THSD7A: variants seen among roughly 807,000 people sequenced by gnomAD.
THSD7A encodes the protein thrombospondin type 1 domain containing 7A.
Under a neutral mutation model 231.3 loss-of-function variants are expected in THSD7A, and 96 were observed. That is an observed-to-expected ratio of 0.41 (90% CI 0.35 to 0.49). The LOEUF (loss-of-function observed/expected upper bound fraction) is 0.49. THSD7A is among the 20% of genes least tolerant of loss of function. The pLI is 0.05. For missense variants in THSD7A, 2,290 were observed against 2,070.2 expected, an observed-to-expected ratio of 1.11 and a Z score of -2.06; for synonymous variants, 940 against 743.3, an observed-to-expected ratio of 1.26 and a Z score of -4.30.
intron 6 of THSD7A, among the ~76,000 whole-genome samples, chr7:11,486,757 A>G (rs1414815810): frequency 6.6e-6 from 1 of 152,210 alleles, no homozygotes. Flanking sequence ...ATGGTTTCAA[A>G]GGATTGCTTT....
In THSD7A at chr7:11,567,674, C is replaced by G. The variant is rs922772827; in HGVS notation, c.1453+22786G>C. Among the ~76,000 whole-genome samples, 3 of 152,148 alleles carry G rather than the reference C, an allele frequency of 2.0e-5. No individual in the cohort carries two copies. In the East Asian group the frequency reaches 5.8e-4, roughly 29 times the overall value. On this transcript the variant is annotated intron_variant, in intron 4 of 27. Transcript: ENST00000423059. ...TAACTGTTTTCAGGTAAGGCCTGAG[C>G]TGCAGGATATTTAAGAGCTCCTTGG...
At position 11,373,553 on chromosome 7, in the gene THSD7A, C is replaced by T. The variant is rs982058819; in HGVS notation, c.*2241G>A. On this transcript the variant is annotated 3_prime_UTR_variant, in exon 28 of 28. Transcript: ENST00000423059. ...TGCTTTAAAGTAAAATTTTCATCTTCCTGACTACCTGTTCTCTTTGAAATG... is the reference window on the plus strand; with the variant it reads ...TGCTTTAAAGTAAAATTTTCATCTTTCTGACTACCTGTTCTCTTTGAAATG... 2.0e-5 allele frequency: 3 copies of T among 151,882 alleles called. No homozygotes were observed. Among genetic ancestry groups the T allele is most frequent in the African/African-American group, 7.2e-5 (3 of 41,398 alleles). 9.4% of individuals were successfully genotyped at this position (151,882 alleles called of 1,614,324 possible). A position where few individuals can be genotyped will look rare whatever the true frequency, so the allele number is the denominator to read the frequency against.
intron 11 of THSD7A, among the ~76,000 whole-genome samples, chr7:11,456,214 G>C (rs1425616846): frequency 6.6e-6 from 1 of 151,964 alleles, no homozygotes; most frequent in Non-Finnish European, 1.5e-5. Context: ...TCCAGCTTTT[G>C]AGTATAATTT....
intron 6 of THSD7A, among the ~76,000 whole-genome samples, chr7:11,535,351 C>T (rs913178390): frequency 6.6e-6 from 1 of 151,992 alleles, no homozygotes; most frequent in Non-Finnish European, 1.5e-5. Context: ...AGATAGCAGA[C>T]AAATCAGAGT....
At chr7:11,403,423 C>G (rs1267364619) in intron 22 of THSD7A, among the ~76,000 whole-genome samples, 1 of 151,914 alleles carries the variant, frequency 6.6e-6, no homozygotes, top group Admixed American at 6.6e-5. Context: ...TTTGGAAATG[C>G]AAAGGAAAAA....
At position 11,411,429 on chromosome 7, in the gene THSD7A, GC is replaced by G; in HGVS notation, c.3683-108del. 1 of 725,340 alleles carries G rather than the reference GC, an allele frequency of 1.4e-6. No homozygotes were observed. The highest frequency in any genetic ancestry group is 1.8e-5 in the South Asian group (1 of 55,028). 44.9% of individuals were successfully genotyped at this position (725,340 alleles called of 1,614,324 possible). ...TATTTAATTCACAACTGCTTCCTAA[GC>G]CCCATAATCAATCATCCCCCATGCA... On this transcript the variant is annotated intron_variant, in intron 18 of 27. Coordinates refer to ENST00000423059, the MANE Select transcript of THSD7A (RefSeq NM_015204.3). This position sits in a 1 kb window ranked among gnomAD's most constrained non-coding sequence, Gnocchi z 4.1.
At position 11,371,742 on chromosome 7, in the gene THSD7A, G is replaced by A. The variant is rs1451172841; in HGVS notation, c.*4052C>T. The A allele has an allele frequency of 7.5e-6, 1 of 132,916 alleles. No homozygotes were observed. Among genetic ancestry groups the A allele is most frequent in the Admixed American group, 7.7e-5 (1 of 13,034 alleles). The allele number at this position is 132,916 out of a possible 1,614,324, so 8.2% of individuals were successfully genotyped here. A position where few individuals can be genotyped will look rare whatever the true frequency, so the allele number is the denominator to read the frequency against. On this transcript the variant is annotated 3_prime_UTR_variant, in exon 28 of 28. Coordinates refer to ENST00000423059, the MANE Select transcript of THSD7A (RefSeq NM_015204.3). ...GGCATGGACATTTTTACAGAAAAGG[G>A]CTTTTTTTTTTTTTTTTTTCCTGCA...
In THSD7A at chr7:11,807,153, T is replaced by C. The variant is rs564019446; in HGVS notation, c.190+24604A>G. Among the ~76,000 whole-genome samples the C allele has an allele frequency of 5.3e-5, 8 of 152,306 alleles. No homozygotes were observed. In the South Asian group the frequency reaches 1.7e-3, roughly 32 times the overall value. On this transcript the variant is annotated intron_variant, in intron 1 of 27. Coordinates refer to ENST00000423059, the MANE Select transcript of THSD7A (RefSeq NM_015204.3). Reference sequence around the variant, plus strand: ...CAGTGCATTTCCTAAGGAAGTTGTGTAGAATCTGTGTATTCCTTAGCCCTT... The same window carrying C: ...CAGTGCATTTCCTAAGGAAGTTGTGCAGAATCTGTGTATTCCTTAGCCCTT...
intron 1 of THSD7A, among the ~76,000 whole-genome samples, chr7:11,709,643 G>T (rs189806883): frequency 2.8e-3 from 417 of 150,862 alleles, no homozygotes; most frequent in Non-Finnish European, 4.5e-3. Flanking sequence ...ATATGTAGTC[G>T]TTTAACTTAA....
rs926696897 is a variant in THSD7A at position 11,594,139 on chromosome 7, C to G, written c.1023-637G>C. Among the ~76,000 whole-genome samples, 21 of 152,152 alleles carry G rather than the reference C, an allele frequency of 1.4e-4. 1 individual carries two copies. Reference sequence around the variant, plus strand: ...CTAACCTCTCAACCTACATCTTTCTCCCGTGCTAGATGCTTCCTGCCCTCG... The same window carrying G: ...CTAACCTCTCAACCTACATCTTTCTGCCGTGCTAGATGCTTCCTGCCCTCG... On this transcript the variant is annotated intron_variant, in intron 2 of 27. Transcript: ENST00000423059.
At chr7:11,635,540 T>C (rs1218049095) in intron 2 of THSD7A, among the ~76,000 whole-genome samples, 2 of 152,228 alleles carry the variant, frequency 1.3e-5, no homozygotes, top group Non-Finnish European at 2.9e-5. Flanking sequence ...TAGTTACATG[T>C]TTCCTGAATG....
At chr7:11,691,993 T>C (rs1780247137) in intron 1 of THSD7A, among the ~76,000 whole-genome samples, 1 of 151,526 alleles carries the variant, frequency 6.6e-6, no homozygotes, top group Non-Finnish European at 1.5e-5. Flanking sequence ...GGAAATTCTA[T>C]ATTAACAAAC....
intron 1 of THSD7A, among the ~76,000 whole-genome samples, chr7:11,752,589 T>G (rs931650206): frequency 6.6e-6 from 1 of 152,002 alleles, no homozygotes; most frequent in African/African-American, 2.4e-5. Context: ...AACATAAATT[T>G]TAGTACCTCT....
rs1785219059 is a variant in THSD7A, at chr7:11,832,157, C to T, written c.-211G>A. 3.0e-6 allele frequency: 1 copy of T among 338,752 alleles called. No homozygotes were observed. Among genetic ancestry groups the T allele is most frequent in the South Asian group, 1.3e-4 (1 of 7,648 alleles). The allele number at this position is 338,752 out of a possible 1,614,324, so 21.0% of individuals were successfully genotyped here. A position where few individuals can be genotyped will look rare whatever the true frequency, so the allele number is the denominator to read the frequency against. On this transcript the variant is annotated 5_prime_UTR_variant, in exon 1 of 28. Transcript: ENST00000423059. ...TGGCCGCTGCCGCCGCCGCCGCCGC[C>T]TCTGGCGGGGATGCTGCTGCCGCTG...
At chr7:11,817,576 A>C (rs555408577) in intron 1 of THSD7A, among the ~76,000 whole-genome samples, 3 of 152,210 alleles carry the variant, frequency 2.0e-5, no homozygotes, top group Non-Finnish European at 4.4e-5. Flanking sequence ...AAAAAAGGAA[A>C]GGACACAGAT....
At position 11,428,927 on chromosome 7, in the gene THSD7A, C is replaced by A. The variant is rs759932025; in HGVS notation, c.3243+20G>T. The A allele has an allele frequency of 2.5e-6, 4 of 1,592,486 alleles. No homozygotes were observed. The South Asian group carries it at 4.6e-5, about 18-fold the overall frequency. On this transcript the variant is annotated intron_variant, in intron 14 of 27. Transcript: ENST00000423059. The stretch of plus-strand genomic sequence containing the variant: ...TGTGAATCTCAACAATATCTTAACA[C>A]TGTCAATGATAGAAAATACCTGGTT...
chr7:11,819,783 C>T (rs1225902121), intron 1 of THSD7A, among the ~76,000 whole-genome samples: 1 of 152,036 alleles, frequency 6.6e-6, no homozygotes, highest in East Asian at 1.9e-4. Context: ...AATGTGCAAT[C>T]CAAAGAGTGA....
intron 1 of THSD7A, among the ~76,000 whole-genome samples, chr7:11,809,400 G>T (rs1784472718): frequency 6.6e-6 from 1 of 152,124 alleles, no homozygotes; most frequent in Non-Finnish European, 1.5e-5. Context: ...TACTATTATA[G>T]TTGTGGCTGT....
rs186167724 is a variant in THSD7A at position 11,455,843 on chromosome 7, C to A, written c.2605+4819G>T. Among the ~76,000 whole-genome samples the A allele has an allele frequency of 4.5e-4, 68 of 152,062 alleles. 1 individual carries two copies. The highest frequency in any genetic ancestry group is 1.6e-3 in the African/African-American group (68 of 41,518). On this transcript the variant is annotated intron_variant, in intron 11 of 27. Coordinates refer to ENST00000423059, the MANE Select transcript of THSD7A (RefSeq NM_015204.3). ...AAACAGTTTACAATTTTTAAAGAGG[C>A]TCTGGGAACACAATTGCTTCCCAAA...
Sources: gnomAD v4.1 joint callset for allele counts (sites outside exome capture counted in the v4.1 genomes callset) on GRCh38, gnomAD v4.1.1 for gene constraint, Gnocchi (gnomAD v3.1) non-coding constraint, MANE v1.5 for transcripts, NCBI Gene and HGNC (gene_info 2026-07-23, HGNC 2026-07-21) for gene names.